The following ACOT7 variants were observed in gnomAD, a reference collection of about 807,000 sequenced individuals.
ACOT7 encodes cytosolic acyl coenzyme A thioester hydrolase.
In ACOT7, 12 loss-of-function variants were observed where a neutral mutation model predicts 40.2. The ratio of observed to expected loss-of-function variants is 0.30; its 90% confidence interval spans 0.19 to 0.48. ACOT7 has a LOEUF of 0.48. Among genes scored for constraint, ACOT7 ranks in the 20% least tolerant of loss-of-function variants. The pLI is 0.99. For synonymous variants in ACOT7, 228 were observed against 219.5 expected (o/e 1.04, Z -0.34); for missense variants, 395 against 530.8 (o/e 0.74, Z 2.51).
At chr1:6,380,235 T>C (rs896844228) in intron 1 of ACOT7, among the ~76,000 whole-genome samples, 1 of 151,536 alleles carries the variant, frequency 6.6e-6, no homozygotes, top group Non-Finnish European at 1.5e-5. Flanking sequence ...GATATAAGAA[T>C]CAATAGAACA....
intron 7 of ACOT7, among the ~76,000 whole-genome samples, chr1:6,284,617 C>T (rs1639451047): frequency 6.6e-6 from 1 of 151,230 alleles, no homozygotes; most frequent in South Asian, 2.1e-4. Context: ...AGCATTCCAG[C>T]TACAGGCACT....
chr1:6,294,828 C>G lies in ACOT7; in HGVS notation c.829+36G>C, dbSNP rs768540257. 6.4e-7 allele frequency: 1 copy of G among 1,563,880 alleles called. No homozygotes were observed. Among genetic ancestry groups the G allele is most frequent in the African/African-American group, 1.4e-5 (1 of 73,912 alleles). On this transcript the variant is annotated intron_variant, in intron 7 of 8. Transcript: ENST00000361521. The surrounding 1 kb of genome is among the most constrained non-coding windows in gnomAD (Gnocchi z 4.6). ...TGCAGGGACCCAAGCAGCCGAGGGC[C>G]ACTGCCTCCCTCGTCTTTGCCAGAA...
intron 5 of ACOT7, among the ~76,000 whole-genome samples, chr1:6,320,833 A>AC (rs1461228733): frequency 1.3e-5 from 2 of 152,038 alleles, no homozygotes. Flanking sequence ...CTCTGCGCTG[A>AC]CCTCAGAGCG....
Position 6,330,053 on chromosome 1 carries a change from AGTGT to A in ACOT7, c.511-2644_511-2641del, listed in dbSNP as rs1045539319. Among the ~76,000 whole-genome samples, 13 of 151,872 alleles carry A rather than the reference AGTGT, an allele frequency of 8.6e-5. No individual in the cohort carries two copies. Among genetic ancestry groups the A allele is most frequent in the Admixed American group, 8.5e-4 (13 of 15,240 alleles). On this transcript the variant is annotated intron_variant, in intron 4 of 8. Transcript: ENST00000361521. The surrounding 1 kb of genome is among the most constrained non-coding windows in gnomAD (Gnocchi z 4.6). ...GGGAGACGCACACATCCAGGAAACC[AGTGT>A]GTGTGTGTGGTGTGTGTGTGTGTGT...
At chr1:6,375,880 G>A (rs1285026222) in intron 1 of ACOT7, among the ~76,000 whole-genome samples, 5 of 151,458 alleles carry the variant, frequency 3.3e-5, no homozygotes, top group Admixed American at 6.6e-5. Flanking sequence ...GGAGCTTGCA[G>A]TGAGCCGAGA....
At chr1:6,376,128 G>A (rs1455293303) in intron 1 of ACOT7, among the ~76,000 whole-genome samples, 4 of 151,966 alleles carry the variant, frequency 2.6e-5, no homozygotes, top group African/African-American at 4.8e-5. Flanking sequence ...GGTGGCAGGC[G>A]CCTTTAATCC....
chr1:6,310,634 C>A (rs1277181535), intron 6 of ACOT7, among the ~76,000 whole-genome samples: 5 of 152,236 alleles, frequency 3.3e-5, no homozygotes, highest in African/African-American at 9.6e-5. Context: ...CCACCCAGGG[C>A]ACTTGTTGCT....
chr1:6,364,051 G>A (rs1011859467), intron 1 of ACOT7, among the ~76,000 whole-genome samples: 10 of 152,026 alleles, frequency 6.6e-5, no homozygotes, highest in African/African-American at 2.2e-4. Flanking sequence ...ATGACAGAGC[G>A]AGACCTTGTC....
At chr1:6,267,467 G>A (rs1023937536) in intron 8 of ACOT7, among the ~76,000 whole-genome samples, 3 of 152,144 alleles carry the variant, frequency 2.0e-5, no homozygotes, top group African/African-American at 7.2e-5. Context: ...GGAGATGCCT[G>A]CCTGCCTGCC....
intron 4 of ACOT7, among the ~76,000 whole-genome samples, chr1:6,329,345 A>G (rs917468324): frequency 6.6e-6 from 1 of 152,214 alleles, no homozygotes; most frequent in African/African-American, 2.4e-5. Flanking sequence ...GCAGTGGATA[A>G]TTCAACCTTT....
At chr1:6,308,389 A>G (rs907627440) in intron 6 of ACOT7, among the ~76,000 whole-genome samples, 1 of 149,988 alleles carries the variant, frequency 6.7e-6, no homozygotes, top group African/African-American at 2.5e-5. Context: ...ACCAGAGAGA[A>G]CTACAACCGG....
chr1:6,315,046 C>T (rs1265546855), intron 6 of ACOT7, among the ~76,000 whole-genome samples: 1 of 152,204 alleles, frequency 6.6e-6, no homozygotes, highest in Non-Finnish European at 1.5e-5. Flanking sequence ...ACCAGGAAAG[C>T]AGCAGTGAGC....
intron 5 of ACOT7, among the ~76,000 whole-genome samples, chr1:6,321,102 A>G (rs1261029449): frequency 2.6e-5 from 4 of 152,158 alleles, no homozygotes; most frequent in Admixed American, 2.6e-4. Context: ...TTAGACTCTG[A>G]TTCCACTCTT....
chr1:6,318,560 T>C lies in ACOT7; in HGVS notation c.644A>G (p.Tyr215Cys). 1 of 1,614,136 alleles carries C rather than the reference T, an allele frequency of 6.2e-7. No individual in the cohort carries two copies. Among genetic ancestry groups the C allele is most frequent in the Admixed American group, 1.7e-5 (1 of 60,024 alleles). The part of the protein sequence containing the change: ...VLNPEPNTVS[Y>C]SQSSLIHLVG... ...CAGGTGGATCAAGCTGGACTGGCTG[T>C]AGCTGACAGTGTTCGGCTCTGGAAT... The change falls in exon 6 of 9, where the codon TAC becomes TGC. Residue 215 changes from tyrosine (Y) to cysteine (C), a missense_variant. This residue lies in a region of ACOT7 where 309 missense variants were observed against 470.3 expected (regional missense o/e 0.66). Coordinates refer to ENST00000361521, the MANE Select transcript of ACOT7 (RefSeq NM_007274.4).
intron 1 of ACOT7, among the ~76,000 whole-genome samples, chr1:6,357,315 C>A (rs12076178): frequency 0.08 from 12,240 of 152,208 alleles, 824 homozygotes; most frequent in African/African-American, 0.18. Flanking sequence ...GTGAGCCTTG[C>A]TTCCTTTACT....
chr1:6,386,230 G>A (rs1425575216), intron 1 of ACOT7, among the ~76,000 whole-genome samples: 1 of 152,224 alleles, frequency 6.6e-6, no homozygotes, highest in Admixed American at 6.5e-5. Context: ...AGCTCCAGGA[G>A]GGCCGAGGAA....
chr1:6,310,021 G>A (rs1486493956), intron 6 of ACOT7, among the ~76,000 whole-genome samples: 3 of 152,202 alleles, frequency 2.0e-5, no homozygotes, highest in African/African-American at 7.2e-5. Flanking sequence ...GGCTGCCACA[G>A]GTCACAGCCT....
chr1:6,360,793 C>T, intron 1 of ACOT7: 1 of 1,483,058 alleles, frequency 6.7e-7, no homozygotes, highest in South Asian at 1.3e-5. Flanking sequence ...CTAAGCAACC[C>T]TTCCAGCTGG....
At position 6,306,823 on chromosome 1, in the gene ACOT7, C is replaced by G. The variant is rs547948463; in HGVS notation, c.712+11669G>C. 81 of 1,289,060 alleles carry G rather than the reference C, an allele frequency of 6.3e-5. No homozygotes were observed. The South Asian group carries it at 9.6e-4, about 15-fold the overall frequency. 79.9% of individuals were successfully genotyped at this position (1,289,060 alleles called of 1,614,324 possible). On this transcript the variant is annotated intron_variant, in intron 6 of 8. Coordinates refer to ENST00000361521, the MANE Select transcript of ACOT7 (RefSeq NM_007274.4). This position sits in a 1 kb window ranked among gnomAD's most constrained non-coding sequence, Gnocchi z 4.3. The stretch of plus-strand genomic sequence containing the variant: ...TGGGGGCTCCGGCCAAACAAGGTCA[C>G]GGAATTGGAAAAGAGTAACTGTGCC...
Sources: allele counts gnomAD v4.1 joint callset (sites outside exome capture counted in the v4.1 genomes callset), GRCh38; gene constraint gnomAD v4.1.1; regional missense constraint gnomAD v4.1.1; non-coding constraint Gnocchi (gnomAD v3.1); transcripts MANE v1.5; gene names NCBI Gene and HGNC (gene_info 2026-07-23, HGNC 2026-07-21).